NAT2: variants seen among roughly 807,000 people sequenced by gnomAD.
NAT2 encodes the protein arylamine N-acetyltransferase 2.
For missense variants in NAT2, 428 were observed against 339.1 expected (o/e 1.26, Z -2.06); for synonymous variants, 137 against 125.9 (o/e 1.09, Z -0.59).
At chr8:18,395,953 T>A (rs1415618672) in intron 1 of NAT2, among the ~76,000 whole-genome samples, 1 of 144,818 alleles carries the variant, frequency 6.9e-6, no homozygotes, top group Non-Finnish European at 1.5e-5. Context: ...CAACCCATCT[T>A]TTTTTTTTTT....
chr8:18,390,891 A>T (rs1366464405), upstream of NAT2, among the ~76,000 whole-genome samples: 1 of 152,098 alleles, frequency 6.6e-6, no homozygotes, highest in African/African-American at 2.4e-5. Flanking sequence ...AAGTGATGAA[A>T]GTGTGCCATA....
chr8:18,395,241 C>T (rs1563248501), intron 1 of NAT2, among the ~76,000 whole-genome samples: 2 of 152,056 alleles, frequency 1.3e-5, no homozygotes. Flanking sequence ...CCCTTAGAGT[C>T]CTATAGCTAA....
chr8:18,394,132 G>A (rs976187645), intron 1 of NAT2, among the ~76,000 whole-genome samples: 2 of 152,160 alleles, frequency 1.3e-5, no homozygotes, highest in African/African-American at 4.8e-5. Context: ...TTCTCTGGCA[G>A]GCAGAGTGGG....
At chr8:18,392,553 T>C (rs945158841) in intron 1 of NAT2, among the ~76,000 whole-genome samples, 1 of 152,198 alleles carries the variant, frequency 6.6e-6, no homozygotes, top group African/African-American at 2.4e-5. Context: ...GATTAGATGG[T>C]GCCCACCCGG....
chr8:18,392,601 A>G (rs1800609313), intron 1 of NAT2, among the ~76,000 whole-genome samples: 1 of 152,186 alleles, frequency 6.6e-6, no homozygotes, highest in Non-Finnish European at 1.5e-5. Context: ...CCACTGATTC[A>G]AATGTTAATT....
Position 18,400,843 on chromosome 8 carries a change from G to C in NAT2, c.840G>C (p.Val280=). The part of the protein sequence containing the change: ...IFKISLGRNL[V]PKPGDGSLTI The stretch of plus-strand genomic sequence containing the variant: ...AGATTTCCTTGGGGAGAAATCTCGT[G>C]CCCAAACCTGGTGATGGATCCCTTA... Residue 280 remains valine, a synonymous_variant, in exon 2 of 2, where the codon GTG becomes GTC. Transcript: ENST00000286479. 6.2e-7 allele frequency: 1 copy of C among 1,604,708 alleles called. No homozygotes were observed. Among genetic ancestry groups the C allele is most frequent in the Non-Finnish European group, 8.5e-7 (1 of 1,177,010 alleles).
At chr8:18,397,493 T>C (rs1345909423) in intron 1 of NAT2, among the ~76,000 whole-genome samples, 1 of 152,154 alleles carries the variant, frequency 6.6e-6, no homozygotes, top group African/African-American at 2.4e-5. Context: ...TAGGATACAA[T>C]GGAAAGTCCA....
chr8:18,389,389 G>A (rs922143727), upstream of NAT2, among the ~76,000 whole-genome samples: 4 of 151,394 alleles, frequency 2.6e-5, no homozygotes, highest in East Asian at 3.9e-4. Context: ...TGTGTGTCCC[G>A]ACTAATTTGG....
intron 1 of NAT2, among the ~76,000 whole-genome samples, chr8:18,399,206 C>G (rs1015607675): frequency 1.3e-5 from 2 of 152,198 alleles, no homozygotes; most frequent in East Asian, 1.9e-4. Flanking sequence ...TGGAACAATC[C>G]TCCTCACACA....
chr8:18,387,425 C>A, upstream of NAT2: 2 of 153,510 alleles, frequency 1.3e-5, no homozygotes, highest in South Asian at 3.7e-4. Context: ...CCCCGGAGTT[C>A]AGCAGCGCCC....
chr8:18,393,728 C>T (rs1212721391), intron 1 of NAT2, among the ~76,000 whole-genome samples: 1 of 152,100 alleles, frequency 6.6e-6, no homozygotes, highest in Non-Finnish European at 1.5e-5. Flanking sequence ...GTTTTAATTT[C>T]TAGTGAATTC....
chr8:18,398,103 G>A (rs1800723163), intron 1 of NAT2, among the ~76,000 whole-genome samples: 1 of 152,192 alleles, frequency 6.6e-6, no homozygotes, highest in South Asian at 2.1e-4. Context: ...GTATGCTGGA[G>A]TCTTCAGAAT....
chr8:18,391,554 C>G (rs1229860199), intron 1 of NAT2, among the ~76,000 whole-genome samples: 1 of 151,726 alleles, frequency 6.6e-6, no homozygotes. Flanking sequence ...TCAGGCACAA[C>G]TGACCAGCAT....
At position 18,400,016 on chromosome 8, in the gene NAT2, G is replaced by A; in HGVS notation, c.13G>A (p.Ala5Thr). ...TGCTTAGGGGATCATGGACATTGAA[G>A]CATATTTTGAAAGAATTGGCTATAA... is the stretch of plus-strand genomic sequence containing the variant. MDIE[A>T]YFERIGYKNS... The change falls in exon 2 of 2, where the codon GCA becomes ACA. Residue 5 changes from alanine (A) to threonine (T), a missense_variant. Transcript: ENST00000286479. The A allele has an allele frequency of 6.3e-7, 1 of 1,587,766 alleles. No individual in the cohort carries two copies.
chr8:18,388,019 C>T (rs1365490504), upstream of NAT2, among the ~76,000 whole-genome samples: 3 of 152,192 alleles, frequency 2.0e-5, no homozygotes, highest in Admixed American at 6.5e-5. Context: ...GACCAGAATG[C>T]TCTGGACTTA....
chr8:18,395,406 A>G (rs1021503330), intron 1 of NAT2, among the ~76,000 whole-genome samples: 1 of 152,096 alleles, frequency 6.6e-6, no homozygotes, highest in African/African-American at 2.4e-5. Context: ...CTAATAACAT[A>G]TATAAAGACA....
Position 18,401,006 on chromosome 8 carries a change from C to A in NAT2, c.*130C>A. 5.2e-6 allele frequency: 3 copies of A among 573,278 alleles called. No homozygotes were observed. Among genetic ancestry groups the A allele is most frequent in the Non-Finnish European group, 8.5e-6 (3 of 354,482 alleles). 35.5% of individuals were successfully genotyped at this position (573,278 alleles called of 1,614,324 possible). A position where few individuals can be genotyped will look rare whatever the true frequency, so the allele number is the denominator to read the frequency against. On this transcript the variant is annotated 3_prime_UTR_variant, in exon 2 of 2. Transcript: ENST00000286479. ...ATCCTAAACATCAAATACTTTCATC[C>A]ATAAAAATGTCAGCATTTATTAAAA...
At chr8:18,395,478 T>C (rs201449660) in intron 1 of NAT2, among the ~76,000 whole-genome samples, 126 of 152,282 alleles carry the variant, frequency 8.3e-4, no homozygotes, top group Admixed American at 7.4e-3. Context: ...TTAATATAAA[T>C]GTAGAACAAA....
chr8:18,400,154 G>C lies in NAT2; in HGVS notation c.151G>C (p.Gly51Arg). 6.2e-7 allele frequency: 1 copy of C among 1,614,010 alleles called. No individual in the cohort carries two copies. Among genetic ancestry groups the C allele is most frequent in the Non-Finnish European group, 8.5e-7 (1 of 1,179,964 alleles). ...NMHCGQAMEL[G>R]LEAIFDHIVR... ...GCATTGTGGGCAAGCCATGGAGTTG[G>C]GCTTAGAGGCTATTTTTGATCACAT... The change falls in exon 2 of 2, where the codon GGC becomes CGC. Residue 51 changes from glycine to arginine, a missense_variant. Gly to Arg is a moderately radical substitution (Grantham distance 125, BLOSUM62 -2). Coordinates refer to ENST00000286479, the MANE Select transcript of NAT2 (RefSeq NM_000015.3).
Sources: gnomAD v4.1 joint callset for allele counts (sites outside exome capture counted in the v4.1 genomes callset) on GRCh38, gnomAD v4.1.1 for gene constraint, MANE v1.5 for transcripts, NCBI Gene and HGNC (gene_info 2026-07-23, HGNC 2026-07-21) for gene names.